ALG5: variants seen among roughly 807,000 people sequenced by gnomAD.
The protein encoded by ALG5 is dolichyl-phosphate beta-glucosyltransferase.
In ALG5, 26 loss-of-function variants were observed where a neutral mutation model predicts 51.8. The ratio of observed to expected loss-of-function variants is 0.50; its 90% CI spans 0.37 to 0.70. The LOEUF (loss-of-function observed/expected upper bound fraction) is 0.70. ALG5 is among the 30% of genes least tolerant of loss of function. ALG5 has a pLI of 0.00. For missense variants in ALG5, 311 were observed against 399.3 expected, an observed-to-expected ratio of 0.78 and a Z score of 1.88; for synonymous variants, 141 against 136.1, an observed-to-expected ratio of 1.04 and a Z score of -0.25.
intron 7 of ALG5, chr13:36,967,878 A>G: frequency 2.0e-6 from 2 of 982,080 alleles, no homozygotes; most frequent in Non-Finnish European, 2.8e-6. Flanking sequence ...CAATACCTAT[A>G]AATTATTCTC....
chr13:36,993,513 G>T, intron 4 of ALG5, 91 bp downstream of exon 4: 1 of 1,063,902 alleles, frequency 9.4e-7, no homozygotes, highest in South Asian at 1.3e-5. Flanking sequence ...ACAGCTTTAG[G>T]GTCCCCTGGT....
At chr13:36,952,790 T>C in intron 8 of ALG5, 191 bp from the exon 9 acceptor site, 1 of 415,194 alleles carries the variant, frequency 2.4e-6, no homozygotes, top group Non-Finnish European at 4.2e-6. Flanking sequence ...AATAATAATT[T>C]AGAATATCAT....
chr13:36,968,403 A>C (rs1483051376), intron 7 of ALG5, among the ~76,000 whole-genome samples: 1 of 152,254 alleles, frequency 6.6e-6, no homozygotes, highest in Non-Finnish European at 1.5e-5. Flanking sequence ...GGACTTAAGC[A>C]AAGACTCTTT....
At chr13:36,954,837 A>C (rs1052017382) in intron 8 of ALG5, among the ~76,000 whole-genome samples, 7 of 152,244 alleles carry the variant, frequency 4.6e-5, no homozygotes, top group Admixed American at 6.5e-5. Context: ...CACCAGATGG[A>C]CATGAACCCC....
rs1593665270 is a variant in ALG5, at chr13:36,967,016, G to C, written c.622-1290C>G. 2.0e-5 allele frequency among the ~76,000 whole-genome samples: 3 copies of C among 151,748 alleles called. No individual in the cohort carries two copies. In the East Asian group the frequency reaches 5.8e-4, roughly 29 times the overall value. ...GGCAGGTGGATTGCTTGAGGTCAGG[G>C]GTTCAAGACCAGCCTGCCCAACATG... On this transcript the variant is annotated intron_variant, in intron 7 of 9. Coordinates refer to ENST00000239891, the MANE Select transcript of ALG5 (RefSeq NM_013338.5).
intron 4 of ALG5, 45 bp downstream of exon 4, chr13:36,993,559 C>T (rs2059034917): frequency 2.6e-6 from 4 of 1,527,834 alleles, no homozygotes; most frequent in Middle Eastern, 1.7e-4. Flanking sequence ...CAAAATTATT[C>T]TCTATTTTCT....
intron 9 of ALG5, among the ~76,000 whole-genome samples, chr13:36,951,494 A>G (rs1411538593): frequency 2.0e-5 from 3 of 152,338 alleles, no homozygotes; most frequent in East Asian, 1.9e-4. Flanking sequence ...GTTTACTGCA[A>G]CAAGGACTCT....
intron 5 of ALG5, among the ~76,000 whole-genome samples, chr13:36,988,043 G>A (rs576605015): frequency 6.6e-6 from 1 of 152,116 alleles, no homozygotes; most frequent in Non-Finnish European, 1.5e-5. Context: ...CTTTGTTCAT[G>A]TTCCCCGTCT....
At chr13:36,957,528 C>T (rs2058845803) in intron 8 of ALG5, among the ~76,000 whole-genome samples, 1 of 152,100 alleles carries the variant, frequency 6.6e-6, no homozygotes, top group Non-Finnish European at 1.5e-5. Flanking sequence ...TACACTGCGC[C>T]TGGAGGCCAC....
At chr13:36,970,874 G>C (rs2058919617) in intron 7 of ALG5, among the ~76,000 whole-genome samples, 1 of 152,212 alleles carries the variant, frequency 6.6e-6, no homozygotes, top group Non-Finnish European at 1.5e-5. Context: ...TTGCGCCACT[G>C]CACTGCATCC....
At chr13:36,988,705 G>A (rs952527326) in intron 5 of ALG5, among the ~76,000 whole-genome samples, 2 of 149,858 alleles carry the variant, frequency 1.3e-5, no homozygotes, top group Admixed American at 6.6e-5. Context: ...TTTGTATCCT[G>A]ACCATTTCCC....
At position 36,995,042 on chromosome 13, in the gene ALG5, GA is replaced by G; in HGVS notation, c.239-8del. Reference sequence around the variant, plus strand: ...TCATCCATCATCACAGGCACTTGAAGAAAAAAATATATTAAAAATCACTTTT... The same window carrying G: ...TCATCCATCATCACAGGCACTTGAAGAAAAAATATATTAAAAATCACTTTT... On this transcript the variant is annotated splice_region_variant and splice_polypyrimidine_tract_variant and intron_variant, in intron 2 of 9. Coordinates refer to ENST00000239891, the MANE Select transcript of ALG5 (RefSeq NM_013338.5). The G allele has an allele frequency of 1.9e-6, 3 of 1,610,604 alleles. No homozygotes were observed. The highest frequency in any genetic ancestry group is 1.1e-5 in the South Asian group (1 of 90,866).
Position 36,994,583 on chromosome 13 carries a change from T to TA in ALG5, c.285+405dup, listed in dbSNP as rs905817545. Among the ~76,000 whole-genome samples, 33 of 139,722 alleles carry TA rather than the reference T, an allele frequency of 2.4e-4. No homozygotes were observed. The Middle Eastern group carries it at 0.014, about 58-fold the overall frequency. 91.7% of individuals were successfully genotyped at this position (139,722 alleles called of 152,430 possible). ...TATTCAAACCCAGTTAACCAAAAAA[T>TA]AAAAAAAGAGAGAAGAGAATAAAAG... On this transcript the variant is annotated intron_variant, in intron 3 of 9. Coordinates refer to ENST00000239891, the MANE Select transcript of ALG5 (RefSeq NM_013338.5).
At chr13:36,977,352 G>A (rs1040843644) in intron 6 of ALG5, among the ~76,000 whole-genome samples, 3 of 152,122 alleles carry the variant, frequency 2.0e-5, no homozygotes, top group African/African-American at 7.2e-5. Flanking sequence ...TACTATGACA[G>A]TTGGCTTTTA....
At chr13:36,958,403 C>T (rs542352033) in intron 8 of ALG5, among the ~76,000 whole-genome samples, 8 of 152,302 alleles carry the variant, frequency 5.3e-5, no homozygotes, top group Admixed American at 1.3e-4. Context: ...AAGTTTGTCT[C>T]TTCCAGAATT....
At chr13:36,981,080 A>G (rs1313504538) in intron 6 of ALG5, among the ~76,000 whole-genome samples, 2 of 152,226 alleles carry the variant, frequency 1.3e-5, no homozygotes, top group African/African-American at 4.8e-5. Flanking sequence ...CATGTAGTTT[A>G]AAACCTTACA....
At chr13:36,950,125 A>C (rs370578181) in intron 9 of ALG5, 68 bp from the exon 10 acceptor site, 2 of 972,948 alleles carry the variant, frequency 2.1e-6, no homozygotes, top group Admixed American at 2.2e-5. Flanking sequence ...ATCAGTTTAA[A>C]GTCAGTCTAC....
intron 6 of ALG5, among the ~76,000 whole-genome samples, chr13:36,976,656 G>A (rs1200919016): frequency 3.9e-5 from 6 of 151,918 alleles, no homozygotes; most frequent in Admixed American, 6.6e-5. Context: ...GCTGAGGCAG[G>A]AGAATCGCTT....
intron 6 of ALG5, 48 bp from the exon 7 acceptor site, chr13:36,972,084 TA>T (rs769646281): frequency 1.5e-6 from 2 of 1,328,852 alleles, no homozygotes; most frequent in Admixed American, 2.0e-5. Context: ...ATATCACTAA[TA>T]AAAATATTTA....
Sources: gnomAD v4.1 joint callset for allele counts (sites outside exome capture counted in the v4.1 genomes callset) on GRCh38, gnomAD v4.1.1 for gene constraint, MANE v1.5 for transcripts, NCBI Gene and HGNC (gene_info 2026-07-23, HGNC 2026-07-21) for gene names.